NCOR2: variants seen among roughly 807,000 people sequenced by gnomAD.
NCOR2 encodes the protein CTG repeat protein 26.
A neutral mutation model predicts 262.9 loss-of-function variants in NCOR2; 81 were observed. That is an observed-to-expected ratio of 0.31 (90% CI 0.26 to 0.37). The LOEUF is 0.37. Among genes scored for constraint, NCOR2 ranks in the 10% least tolerant of loss-of-function variants. The pLI, the probability that NCOR2 is intolerant of heterozygous loss-of-function variation, is 1.00. For synonymous variants in NCOR2, 1,659 were observed against 1,559.3 expected (o/e 1.06, Z -1.51); for missense variants, 3,385 against 3,621.4 (o/e 0.93, Z 1.68).
intron 1 of NCOR2, among the ~76,000 whole-genome samples, chr12:124,508,682 C>G (rs963167281): frequency 1.3e-5 from 2 of 152,194 alleles, no homozygotes; most frequent in Non-Finnish European, 2.9e-5. Context: ...CCACGGCATC[C>G]AAATCTTTCC....
intron 7 of NCOR2, among the ~76,000 whole-genome samples, chr12:124,444,548 C>T (rs1194545597): frequency 3.9e-5 from 6 of 151,940 alleles, no homozygotes; most frequent in Admixed American, 6.6e-5. Context: ...TGAGCTGAGG[C>T]CTGAGAGAAG....
chr12:124,339,881 C>T (rs1444037957), intron 37 of NCOR2, 125 bp downstream of exon 39: 5 of 1,100,530 alleles, frequency 4.5e-6, no homozygotes, highest in Non-Finnish European at 6.4e-6. Context: ...ATTCTTCTAC[C>T]CCCACACATC....
At chr12:124,433,894 A>ACG (rs2044166596) in intron 8 of NCOR2, among the ~76,000 whole-genome samples, 2 of 123,076 alleles carry the variant, frequency 1.6e-5, no homozygotes, top group Non-Finnish European at 3.2e-5. Flanking sequence ...ACACACACAC[A>ACG]CACACGCACA....
At chr12:124,529,563 T>A (rs1291426775) in intron 1 of NCOR2, among the ~76,000 whole-genome samples, 3 of 152,368 alleles carry the variant, frequency 2.0e-5, no homozygotes, top group East Asian at 3.9e-4. Context: ...CACTGCACTG[T>A]GGTCTCAACC....
chr12:124,372,401 G>A (rs773762003), exon 20 of NCOR2: 3 of 1,501,488 alleles, frequency 2.0e-6, no homozygotes, highest in South Asian at 1.3e-5. Flanking sequence ...GGGGGTGCTG[G>A]TGGGGGCGTA....
At chr12:124,381,614 G>T (rs187660963) in intron 17 of NCOR2, among the ~76,000 whole-genome samples, 39 of 152,346 alleles carry the variant, frequency 2.6e-4, no homozygotes, top group African/African-American at 9.4e-4. Flanking sequence ...GAGAGGCAAA[G>T]ACACTTGCCC....
intron 5 of NCOR2, among the ~76,000 whole-genome samples, chr12:124,458,936 G>T (rs540815692): frequency 1.3e-4 from 20 of 152,292 alleles, no homozygotes; most frequent in African/African-American, 4.8e-4. Flanking sequence ...ACTGGGTATG[G>T]GGTAGCATGG....
intron 1 of NCOR2, among the ~76,000 whole-genome samples, chr12:124,565,035 G>GAA (rs1413719796): frequency 1.3e-5 from 2 of 152,032 alleles, no homozygotes; most frequent in Non-Finnish European, 2.9e-5. Context: ...ATTAATTGGG[G>GAA]AAAAAGAACA....
rs531971575 is a variant in NCOR2 at position 124,355,535 on chromosome 12, C to T, written c.3278G>A (p.Arg1093Gln). The T allele has an allele frequency of 1.0e-5, 16 of 1,593,734 alleles. No homozygotes were observed. The highest frequency in any genetic ancestry group is 4.5e-5 in the East Asian group (2 of 44,628). Residue 1093 changes from arginine to glutamine, a missense_variant, in exon 24 of 47, where the codon CGG becomes CAG. Physicochemically the swap from Arg to Gln is conservative, Grantham distance 43. Transcript: ENST00000405201. ...GGTGGGTGGGCGCGGCAGGACGGGC[C>T]GGGCAGTGTCATGGAGGCCCAGGGG...
chr12:124,447,983 T>C (rs1420495222), intron 7 of NCOR2, among the ~76,000 whole-genome samples: 1 of 152,242 alleles, frequency 6.6e-6, no homozygotes, highest in Non-Finnish European at 1.5e-5. Flanking sequence ...TGCACCCGGC[T>C]GTATTAGCTG....
intron 5 of NCOR2, among the ~76,000 whole-genome samples, chr12:124,459,595 G>A (rs1023592084): frequency 5.3e-5 from 8 of 152,030 alleles, no homozygotes; most frequent in Non-Finnish European, 2.9e-5. Flanking sequence ...TTCACGAAAC[G>A]GCCACACTCA....
intron 5 of NCOR2, among the ~76,000 whole-genome samples, chr12:124,461,242 G>C (rs541404811): frequency 6.6e-6 from 1 of 152,360 alleles, no homozygotes; most frequent in African/African-American, 2.4e-5. Flanking sequence ...GTGGTGGGTG[G>C]GGCTGACGCC....
chr12:124,418,671 G>GC (rs1555220582), intron 13 of NCOR2, among the ~76,000 whole-genome samples: 9 of 151,702 alleles, frequency 5.9e-5, no homozygotes, highest in Non-Finnish European at 2.9e-5. Flanking sequence ...CACAAAGTGG[G>GC]CTTTAGGCCT....
intron 13 of NCOR2, among the ~76,000 whole-genome samples, chr12:124,411,609 G>A (rs528369609): frequency 2.6e-5 from 4 of 152,372 alleles, no homozygotes; most frequent in South Asian, 2.1e-4. Context: ...GCTCCCCAAC[G>A]GTCTGCAGTC....
chr12:124,555,796 C>T (rs2051864697), intron 1 of NCOR2: 2 of 152,228 alleles, frequency 1.3e-5, no homozygotes, highest in East Asian at 1.9e-4. Context: ...CATGGGAACT[C>T]GGGTTTAAAG....
chr12:124,363,682 G>T, exon 21 of NCOR2: 1 of 1,383,080 alleles, frequency 7.2e-7, no homozygotes, highest in South Asian at 1.9e-5. Flanking sequence ...CACTCACGAT[G>T]GGGGGGATGG....
intron 20 of NCOR2, among the ~76,000 whole-genome samples, chr12:124,370,357 G>A (rs3782257): frequency 0.47 from 70,932 of 152,074 alleles, 19,556 homozygotes; most frequent in Non-Finnish European, 0.61. Context: ...AACCTATAGA[G>A]ATCCGGGTGA....
intron 28 of NCOR2, 109 bp downstream of exon 30, chr12:124,350,478 A>C (rs1351057591): frequency 6.3e-6 from 9 of 1,424,316 alleles, no homozygotes; most frequent in African/African-American, 1.4e-5. Context: ...ACCACCTATC[A>C]GATTGTGCTT....
chr12:124,530,415 T>A (rs57207353), intron 1 of NCOR2, among the ~76,000 whole-genome samples: 5 of 151,968 alleles, frequency 3.3e-5, no homozygotes, highest in African/African-American at 1.2e-4. Flanking sequence ...ACACATGCAA[T>A]TGAACCCTTA....
Sources: gnomAD v4.1 joint callset for allele counts (sites outside exome capture counted in the v4.1 genomes callset) on GRCh38, gnomAD v4.1.1 for gene constraint, MANE v1.5 for transcripts, NCBI Gene and HGNC (gene_info 2026-07-23, HGNC 2026-07-21) for gene names.